Variants in SFXN5 observed in about 807,000 individuals in gnomAD.
The protein encoded by SFXN5 is sideroflexin-5.
SFXN5 carries 43 observed loss-of-function variants against 50.2 expected under a neutral mutation model. That is an observed-to-expected ratio of 0.86 (90% CI 0.67 to 1.11). SFXN5 has a LOEUF of 1.11. Ranked by LOEUF, SFXN5 falls within the 50% of genes least tolerant of loss-of-function variation. The pLI is 0.00. For missense variants in SFXN5, 463 were observed against 454.1 expected (o/e 1.02, Z -0.18); for synonymous variants, 203 against 185.8 (o/e 1.09, Z -0.75).
intron 5 of SFXN5, chr2:73,020,788 C>T (rs1676780246): frequency 1.3e-5 from 2 of 152,616 alleles, no homozygotes; most frequent in Admixed American, 6.5e-5. Context: ...TTCTTAAATC[C>T]GTGGCATCCC....
At chr2:72,974,855 GAA>G (rs11430620) in intron 10 of SFXN5, among the ~76,000 whole-genome samples, 15 of 143,956 alleles carry the variant, frequency 1.0e-4, no homozygotes, top group South Asian at 2.2e-4. Context: ...GAGAGAGAGA[GAA>G]AAAAAAAAAA....
chr2:73,058,888 G>A (rs141590019), intron 1 of SFXN5: 5,611 of 391,816 alleles, frequency 0.014, 67 homozygotes, highest in Non-Finnish European at 0.019. Context: ...TCTATTCTGA[G>A]CCTATTAAAA....
intron 9 of SFXN5, among the ~76,000 whole-genome samples, chr2:72,993,584 A>C (rs1672873028): frequency 6.6e-6 from 1 of 152,218 alleles, no homozygotes; most frequent in African/African-American, 2.4e-5. Context: ...GAAAAGACAC[A>C]GAGCTGCTTT....
At chr2:73,004,421 C>T (rs1195227985) in intron 6 of SFXN5, among the ~76,000 whole-genome samples, 1 of 151,846 alleles carries the variant, frequency 6.6e-6, no homozygotes, top group Admixed American at 6.6e-5. Context: ...AACACCGAGG[C>T]TTGAAAATGA....
At chr2:73,068,875 T>C in intron 1 of SFXN5, among the ~76,000 whole-genome samples, 1 of 151,182 alleles carries the variant, frequency 6.6e-6, no homozygotes, top group East Asian at 2.0e-4. Flanking sequence ...AAAGTGATGC[T>C]TCATGGATAC....
chr2:72,957,218 T>C, intron 13 of SFXN5: 1 of 374,668 alleles, frequency 2.7e-6, no homozygotes, highest in Non-Finnish European at 5.4e-6. Flanking sequence ...GAATCATCTC[T>C]TGATGTTCAA....
intron 1 of SFXN5, among the ~76,000 whole-genome samples, chr2:73,063,215 A>G (rs1387515148): frequency 1.3e-5 from 2 of 152,150 alleles, no homozygotes; most frequent in African/African-American, 4.8e-5. Context: ...AAACATTTGG[A>G]CTGAGATTCA....
At chr2:72,948,451 G>A (rs1260749950) in intron 13 of SFXN5, among the ~76,000 whole-genome samples, 1 of 152,252 alleles carries the variant, frequency 6.6e-6, no homozygotes, top group African/African-American at 2.4e-5. Flanking sequence ...GGTGTGAGCA[G>A]CTAATTTTGT....
chr2:72,945,832 C>T lies in SFXN5; in HGVS notation c.946-733G>A, dbSNP rs1436168328. Among the ~76,000 whole-genome samples the T allele has an allele frequency of 6.6e-6, 1 of 152,042 alleles. No homozygotes were observed. The highest frequency in any genetic ancestry group is 1.5e-5 in the Non-Finnish European group (1 of 68,002). ...ACCCCCAACCACTGCAGACAACCAC[C>T]CCACCCCTGCCCCCATAGCCAGGTC... On this transcript the variant is annotated intron_variant, in intron 13 of 13. Transcript: ENST00000272433. This position sits in a 1 kb window ranked among gnomAD's most constrained non-coding sequence, Gnocchi z 5.8.
At chr2:73,065,762 C>CCAGGCTGATCTCGAA (rs1285914225) in intron 1 of SFXN5, among the ~76,000 whole-genome samples, 7 of 152,110 alleles carry the variant, frequency 4.6e-5, no homozygotes, top group Admixed American at 3.9e-4. Context: ...ACCATGTTGG[C>CCAGGCTGATCTCGAA]CAGGCTGATC....
At position 72,944,751 on chromosome 2, in the gene SFXN5, A is replaced by C. The variant is rs1305416308; in HGVS notation, c.*271T>G. 2 of 413,182 alleles carry C rather than the reference A, an allele frequency of 4.8e-6. No individual in the cohort carries two copies. Among genetic ancestry groups the C allele is most frequent in the Non-Finnish European group, 8.6e-6 (2 of 232,160 alleles). 25.6% of individuals were successfully genotyped at this position (413,182 alleles called of 1,614,324 possible). A position where few individuals can be genotyped will look rare whatever the true frequency, so the allele number is the denominator to read the frequency against. On this transcript the variant is annotated 3_prime_UTR_variant, in exon 14 of 14. Coordinates refer to ENST00000272433, the MANE Select transcript of SFXN5 (RefSeq NM_144579.3). ...ACTCTACAATTTTTCAGCTTCACAC[A>C]TAATTGTGCTGAGTGGAGTTTTGAC...
chr2:72,998,756 G>A (rs1673553250), intron 9 of SFXN5, 193 bp downstream of exon 9: 1 of 606,152 alleles, frequency 1.6e-6, no homozygotes, highest in Admixed American at 2.9e-5. Context: ...CCATTACAGG[G>A]AGCACCAGGT....
At chr2:73,011,795 T>C (rs1409761129) in intron 6 of SFXN5, among the ~76,000 whole-genome samples, 1 of 152,164 alleles carries the variant, frequency 6.6e-6, no homozygotes, top group Non-Finnish European at 1.5e-5. Context: ...CATGGAGAAA[T>C]ATAGTCTTTT....
At chr2:73,063,129 G>A (rs13403781) in intron 1 of SFXN5, among the ~76,000 whole-genome samples, 1 of 152,014 alleles carries the variant, frequency 6.6e-6, no homozygotes, top group Non-Finnish European at 1.5e-5. Flanking sequence ...TGATTAAGTG[G>A]AAAGAAGATA....
intron 2 of SFXN5, among the ~76,000 whole-genome samples, chr2:73,055,317 G>A (rs1053244596): frequency 2.0e-5 from 3 of 152,338 alleles, no homozygotes; most frequent in South Asian, 2.1e-4. Flanking sequence ...AAGGGTCCCC[G>A]GGTTCATACC....
rs1044185396 is a variant in SFXN5, at chr2:72,992,321, G to T, written c.535-3973C>A. 8.5e-5 allele frequency among the ~76,000 whole-genome samples: 13 copies of T among 152,192 alleles called. No individual in the cohort carries two copies. Among genetic ancestry groups the T allele is most frequent in the African/African-American group, 3.1e-4 (13 of 41,432 alleles). ...TAGTGTCATGAGCTACACAGCTGGT[G>T]GCTGTAGCCTTAAGTACCAAGGGCT... On this transcript the variant is annotated intron_variant, in intron 9 of 13. Coordinates refer to ENST00000272433, the MANE Select transcript of SFXN5 (RefSeq NM_144579.3). The surrounding 1 kb of genome is among the most constrained non-coding windows in gnomAD (Gnocchi z 4.5).
intron 10 of SFXN5, among the ~76,000 whole-genome samples, chr2:72,979,224 G>A (rs62147695): frequency 0.034 from 5,177 of 152,268 alleles, 104 homozygotes; most frequent in Middle Eastern, 0.079. Context: ...CTCCAGGTCG[G>A]TGCCTTCTGT....
intron 6 of SFXN5, among the ~76,000 whole-genome samples, chr2:73,016,061 A>G (rs1330391082): frequency 6.6e-6 from 1 of 152,100 alleles, no homozygotes; most frequent in Non-Finnish European, 1.5e-5. Context: ...TGAGTTGTTC[A>G]ATGCATTCTG....
At chr2:73,008,395 G>A (rs532839011) in intron 6 of SFXN5, among the ~76,000 whole-genome samples, 2 of 151,700 alleles carry the variant, frequency 1.3e-5, no homozygotes, top group East Asian at 3.9e-4. Context: ...GCTGTGGGGA[G>A]CTCAGGGCTG....
Sources: allele counts gnomAD v4.1 joint callset (sites outside exome capture counted in the v4.1 genomes callset), GRCh38; gene constraint gnomAD v4.1.1; non-coding constraint Gnocchi (gnomAD v3.1); transcripts MANE v1.5; gene names NCBI Gene and HGNC (gene_info 2026-07-23, HGNC 2026-07-21).